The following KAT6A variants were observed in gnomAD, a reference collection of about 807,000 sequenced individuals.
KAT6A encodes the protein lysine acetyltransferase 6A.
In KAT6A, 9 loss-of-function variants were observed where a neutral mutation model predicts 198.4. That is an observed-to-expected ratio of 0.05 (90% confidence interval 0.03 to 0.08). KAT6A has a LOEUF of 0.08. KAT6A is among the 10% of genes least tolerant of loss of function. KAT6A has a pLI of 1.00. For synonymous variants in KAT6A, 890 were observed against 883.0 expected (o/e 1.01, Z -0.14); for missense variants, 2,077 against 2,509.9 (o/e 0.83, Z 3.69).
chr8:41,967,315 C>CT (rs1311341616), intron 8 of KAT6A, among the ~76,000 whole-genome samples: 1 of 62,686 alleles, frequency 1.6e-5, no homozygotes, highest in African/African-American at 8.2e-5. Context: ...TTTTATTATA[C>CT]TTTAAGTTTT....
intron 2 of KAT6A, among the ~76,000 whole-genome samples, chr8:41,992,710 C>A (rs1825005375): frequency 6.6e-6 from 1 of 152,118 alleles, no homozygotes; most frequent in Admixed American, 6.6e-5. Context: ...AGAGCAATCA[C>A]TGAAGAGAAG....
At chr8:42,008,653 G>GACAATTTTTTAAC (rs1825862538) in intron 2 of KAT6A, among the ~76,000 whole-genome samples, 1 of 151,992 alleles carries the variant, frequency 6.6e-6, no homozygotes, top group Non-Finnish European at 1.5e-5. Flanking sequence ...CCCCTCGAGT[G>GACAATTTTTTAAC]ACATTTTTTT....
chr8:41,932,597 A>C lies in KAT6A; in HGVS notation c.5623T>G (p.Tyr1875Asp), dbSNP rs755411768. 6.2e-7 allele frequency: 1 copy of C among 1,614,142 alleles called. No individual in the cohort carries two copies. Among genetic ancestry groups the C allele is most frequent in the Non-Finnish European group, 8.5e-7 (1 of 1,179,948 alleles). Reference protein sequence around the residue: ...PSAAAHQQQLYGRSPSAVAMQ... With the variant: ...PSAAAHQQQLDGRSPSAVAMQ... ...GCAACTGCCGATGGGCTACGGCCAT[A>C]CAGCTGCTGCTGGTGAGCAGCCGCA... Residue 1875 changes from tyrosine (Y) to aspartate (D), a missense_variant, in exon 17 of 17, where the codon TAT (tyrosine) becomes GAT (aspartate). By Grantham distance (160) the Tyr-to-Asp change is radical (BLOSUM62 -3). Transcript: ENST00000265713.
chr8:41,945,031 A>G (rs1009644861), intron 12 of KAT6A, among the ~76,000 whole-genome samples: 9 of 152,226 alleles, frequency 5.9e-5, no homozygotes, highest in African/African-American at 1.9e-4. Flanking sequence ...ATTCATCTAA[A>G]TATCATTGTA....
intron 2 of KAT6A, among the ~76,000 whole-genome samples, chr8:42,008,958 T>G (rs1739369491): frequency 6.6e-6 from 1 of 152,180 alleles, no homozygotes; most frequent in African/African-American, 2.4e-5. Context: ...GAGCAATTTT[T>G]TACCTTGAAA....
chr8:42,048,471 G>A lies in KAT6A; in HGVS notation c.507C>T (p.Leu169=), dbSNP rs1318962783. 6.2e-7 allele frequency: 1 copy of A among 1,614,180 alleles called. No homozygotes were observed. The highest frequency in any genetic ancestry group is 8.5e-7 in the Non-Finnish European group (1 of 1,180,008). The change falls in exon 2 of 17, where the codon CTC becomes CTT. Residue 169 remains leucine (L), a synonymous_variant. Transcript: ENST00000265713. The part of the protein sequence containing the change: ...RLLKDGPLYR[L]NTKATNVDGK... ...CATCCACGTTGGTTGCTTTAGTGTT[G>A]AGCCGATAAAGAGGTCCATCTTTAA...
rs186914641 is a variant in KAT6A at position 41,965,894 on chromosome 8, T to C, written c.1482+8810A>G. Among the ~76,000 whole-genome samples the C allele has an allele frequency of 1.5e-3, 221 of 152,300 alleles. 1 individual carries two copies. Among genetic ancestry groups the C allele is most frequent in the South Asian group, 8.3e-3 (40 of 4,830 alleles). ...AAAGTAGGAATGGTAGGTGGGGCGA[T>C]GTTTACTGTGTTAAGGCATTTACCC... On this transcript the variant is annotated intron_variant, in intron 8 of 16. Coordinates refer to ENST00000265713, the MANE Select transcript of KAT6A (RefSeq NM_006766.5).
intron 16 of KAT6A, among the ~76,000 whole-genome samples, chr8:41,936,170 G>A (rs926594362): frequency 1.3e-5 from 2 of 152,212 alleles, no homozygotes; most frequent in African/African-American, 2.4e-5. Flanking sequence ...GCTGAGGCAC[G>A]AGAATCGCTT....
At chr8:41,950,249 T>G (rs1822597764) in intron 9 of KAT6A, among the ~76,000 whole-genome samples, 1 of 152,210 alleles carries the variant, frequency 6.6e-6, no homozygotes, top group Admixed American at 6.5e-5. Context: ...AAAGAGGTTT[T>G]TCCTTCTTCA....
intron 2 of KAT6A, among the ~76,000 whole-genome samples, chr8:41,990,652 G>C (rs549795733): frequency 2.0e-5 from 3 of 152,070 alleles, no homozygotes; most frequent in African/African-American, 7.2e-5. Flanking sequence ...ATAGACTTTC[G>C]AGAATGGCTA....
chr8:41,933,231 C>T lies in KAT6A; in HGVS notation c.4989G>A (p.Pro1663=), dbSNP rs752528349. ...PPPPQQPQPP[P]PQPQPAPQPP... ...GCTGTGGTGCTGGTTGTGGTTGTGG[C>T]GGCGGCGGCTGTGGCTGCTGTGGAG... The change falls in exon 17 of 17, where the codon CCG becomes CCA. Residue 1663 remains proline, a synonymous_variant. Transcript: ENST00000265713. The surrounding 1 kb of genome is among the most constrained non-coding windows in gnomAD (Gnocchi z 6.2). The T allele has an allele frequency of 8.4e-6, 13 of 1,545,122 alleles. No homozygotes were observed. Among genetic ancestry groups the T allele is most frequent in the Admixed American group, 5.8e-5 (3 of 51,466 alleles).
At chr8:41,943,209 G>A (rs533798332) in intron 13 of KAT6A, among the ~76,000 whole-genome samples, 2 of 152,240 alleles carry the variant, frequency 1.3e-5, no homozygotes, top group South Asian at 2.1e-4. Flanking sequence ...CCGTGGCCGC[G>A]GGCTGTTTTC....
intron 13 of KAT6A, 79 bp from the exon 14 acceptor site, chr8:41,943,079 G>T: frequency 6.4e-7 from 1 of 1,561,982 alleles, no homozygotes; most frequent in Non-Finnish European, 8.7e-7. Flanking sequence ...GAGACCCCTG[G>T]TGAAGCATGT....
intron 8 of KAT6A, among the ~76,000 whole-genome samples, chr8:41,960,727 G>C (rs550376163): frequency 3.3e-5 from 5 of 151,886 alleles, no homozygotes; most frequent in African/African-American, 1.2e-4. Context: ...ACAAAATCTA[G>C]AATTCTGTCC....
In KAT6A at chr8:42,048,383, C is replaced by T. The variant is rs753782128; in HGVS notation, c.595G>A (p.Asp199Asn). The T allele has an allele frequency of 1.5e-5, 24 of 1,613,592 alleles. 1 individual carries two copies. In the South Asian group the frequency reaches 2.4e-4, roughly 16 times the overall value. Reference sequence around the variant, plus strand: ...GAAGCATATGCCATTCTTACCTTATCCTTTTCATGTGGAAGAAGGGACACT... The same window carrying T: ...GAAGCATATGCCATTCTTACCTTATTCTTTTCATGTGGAAGAAGGGACACT... ...PPVSLLPHEK[D>N]KPVAEPIPIC... Residue 199 changes from aspartate to asparagine, a missense_variant, in exon 2 of 17, where the codon GAT (aspartate) becomes AAT (asparagine). This residue lies in a region of KAT6A where 185 missense variants were observed against 185.7 expected (regional missense o/e 1.00). Coordinates refer to ENST00000265713, the MANE Select transcript of KAT6A (RefSeq NM_006766.5).
At chr8:41,985,294 G>A (rs115024958) in intron 3 of KAT6A, among the ~76,000 whole-genome samples, 1 of 152,142 alleles carries the variant, frequency 6.6e-6, no homozygotes, top group Non-Finnish European at 1.5e-5. Context: ...ATTCTGGTTT[G>A]TGACAACACG....
intron 2 of KAT6A, chr8:42,043,456 A>G (rs1040486845): frequency 1.3e-5 from 2 of 152,224 alleles, no homozygotes; most frequent in African/African-American, 4.8e-5. Context: ...GTTAGCACAG[A>G]AATTATCTTT....
chr8:42,041,981 C>A lies in KAT6A; in HGVS notation c.600+6397G>T, dbSNP rs545335333. On this transcript the variant is annotated intron_variant, in intron 2 of 16. Transcript: ENST00000265713. ...TAATAGCATGGACAACTATTTATTG[C>A]CTTTTTATACAGTATCAACGCAACA... Among the ~76,000 whole-genome samples, 7 of 152,174 alleles carry A rather than the reference C, an allele frequency of 4.6e-5. No homozygotes were observed. In the East Asian group the frequency reaches 1.4e-3, roughly 29 times the overall value.
intron 8 of KAT6A, among the ~76,000 whole-genome samples, chr8:41,965,992 T>C (rs1823465220): frequency 6.6e-6 from 1 of 152,202 alleles, no homozygotes; most frequent in African/African-American, 2.4e-5. Flanking sequence ...GCACAACTTA[T>C]TAAAATAGTA....
Sources: gnomAD v4.1 joint callset for allele counts (sites outside exome capture counted in the v4.1 genomes callset) on GRCh38, gnomAD v4.1.1 for gene constraint, gnomAD v4.1.1 regional missense constraint, Gnocchi (gnomAD v3.1) non-coding constraint, MANE v1.5 for transcripts, NCBI Gene and HGNC (gene_info 2026-07-23, HGNC 2026-07-21) for gene names.